The following SLC44A5 variants were observed in gnomAD, a reference collection of about 807,000 sequenced individuals.
The protein encoded by SLC44A5 is choline transporter-like protein 5.
In SLC44A5, 57 loss-of-function variants were observed where a neutral mutation model predicts 101.8. The observed-to-expected ratio is 0.56, with a 90% CI of 0.45 to 0.70. SLC44A5 has a LOEUF of 0.70. SLC44A5 is among the 30% of genes least tolerant of loss of function. The pLI is 0.00. For synonymous variants in SLC44A5, 281 were observed against 290.9 expected (o/e 0.97, Z 0.35); for missense variants, 737 against 853.1 (o/e 0.86, Z 1.70).
chr1:75,703,265 G>A, the SLC44A5 span, among the ~76,000 whole-genome samples: 1 of 152,024 alleles, frequency 6.6e-6, no homozygotes, highest in African/African-American at 2.4e-5. Flanking sequence ...CAACCCAAAT[G>A]TCCAACGATG....
At chr1:75,370,661 AACTC>A (rs1303849020) in intron 3 of SLC44A5, among the ~76,000 whole-genome samples, 1 of 152,174 alleles carries the variant, frequency 6.6e-6, no homozygotes, top group African/African-American at 2.4e-5. Flanking sequence ...ATTCCACAAA[AACTC>A]ACAAGTGTAT....
At chr1:75,618,668 T>C in the SLC44A5 span, among the ~76,000 whole-genome samples, 1 of 152,214 alleles carries the variant, frequency 6.6e-6, no homozygotes, top group Non-Finnish European at 1.5e-5. Flanking sequence ...GTATAATCCA[T>C]TGCTCCTCAG....
In SLC44A5 at chr1:75,211,969, G is replaced by C. The variant is rs368660759; in HGVS notation, c.1963-417C>G. Among the ~76,000 whole-genome samples the C allele has an allele frequency of 6.8e-5, 10 of 146,112 alleles. No homozygotes were observed. In the East Asian group the frequency reaches 1.4e-3, roughly 21 times the overall value. On this transcript the variant is annotated intron_variant, in intron 22 of 23. Transcript: ENST00000370859. The stretch of plus-strand genomic sequence containing the variant: ...TAAAACAGAAGTTTATTTCTCCCTC[G>C]GATAACAGTTTATAAGAGGTGTTCC...
chr1:75,680,303 A>T, the SLC44A5 span, among the ~76,000 whole-genome samples: 1 of 151,822 alleles, frequency 6.6e-6, no homozygotes, highest in Non-Finnish European at 1.5e-5. Flanking sequence ...AATCAACAGA[A>T]TATACATTTT....
the SLC44A5 span, among the ~76,000 whole-genome samples, chr1:75,706,158 A>G: frequency 6.6e-6 from 1 of 152,214 alleles, no homozygotes; most frequent in Non-Finnish European, 1.5e-5. Flanking sequence ...TGTTCAAGGT[A>G]ATAAATTTCC....
intron 3 of SLC44A5, among the ~76,000 whole-genome samples, chr1:75,386,753 G>C (rs4606268): frequency 6.7e-6 from 1 of 149,736 alleles, no homozygotes; most frequent in East Asian, 2.0e-4. Flanking sequence ...CATCGCCAAG[G>C]CAATCCTAAG....
intron 2 of SLC44A5, among the ~76,000 whole-genome samples, chr1:75,520,582 A>C (rs779860142): frequency 3.9e-5 from 6 of 152,104 alleles, no homozygotes; most frequent in South Asian, 2.1e-4. Context: ...AGAGGAGGGG[A>C]AAGGTGGGTA....
chr1:75,673,254 G>T, the SLC44A5 span, among the ~76,000 whole-genome samples: 2 of 151,154 alleles, frequency 1.3e-5, no homozygotes, highest in Non-Finnish European at 1.5e-5. Flanking sequence ...GAGGTCTTGG[G>T]CCTTGAGTGA....
At chr1:75,402,424 T>C in intron 2 of SLC44A5, 1 of 402,742 alleles carries the variant, frequency 2.5e-6, no homozygotes. Flanking sequence ...ACAGCTCTGG[T>C]CTGTGGCTTC....
intron 2 of SLC44A5, among the ~76,000 whole-genome samples, chr1:75,439,495 A>T (rs1176390265): frequency 6.6e-6 from 1 of 152,118 alleles, no homozygotes; most frequent in Non-Finnish European, 1.5e-5. Flanking sequence ...AGGCAGGAGG[A>T]TCACTTGAGC....
At chr1:75,348,976 C>A (rs189150617) in intron 3 of SLC44A5, among the ~76,000 whole-genome samples, 3 of 152,186 alleles carry the variant, frequency 2.0e-5, no homozygotes, top group Admixed American at 6.5e-5. Flanking sequence ...GCTGAAGAGA[C>A]AATTAGCAAA....
intron 4 of SLC44A5, among the ~76,000 whole-genome samples, chr1:75,307,320 C>T (rs1654987335): frequency 6.6e-6 from 1 of 152,166 alleles, no homozygotes; most frequent in Non-Finnish European, 1.5e-5. Context: ...CTCTGTGGTT[C>T]TGTTGGCACC....
intron 2 of SLC44A5, among the ~76,000 whole-genome samples, chr1:75,467,839 C>T (rs1002627855): frequency 6.6e-6 from 1 of 151,970 alleles, no homozygotes; most frequent in Admixed American, 6.6e-5. Context: ...AATGAGATAA[C>T]ATTAAGTTAA....
At chr1:75,480,013 G>A (rs991887902) in intron 2 of SLC44A5, among the ~76,000 whole-genome samples, 3 of 152,232 alleles carry the variant, frequency 2.0e-5, no homozygotes, top group South Asian at 4.1e-4. Context: ...ATAAAATACT[G>A]GCAAACCGAA....
chr1:75,712,170 A>G, the SLC44A5 span, among the ~76,000 whole-genome samples: 1 of 152,370 alleles, frequency 6.6e-6, no homozygotes, highest in East Asian at 1.9e-4. Flanking sequence ...TGTACACTAC[A>G]TGGTAAAGAC....
chr1:75,529,515 A>AT (rs1345954718), intron 2 of SLC44A5, among the ~76,000 whole-genome samples: 2 of 152,176 alleles, frequency 1.3e-5, no homozygotes, highest in Non-Finnish European at 2.9e-5. Context: ...AGTAAATGCC[A>AT]TCTCCCACAA....
chr1:75,503,937 AAG>A (rs769152554), intron 2 of SLC44A5, among the ~76,000 whole-genome samples: 21 of 152,170 alleles, frequency 1.4e-4, no homozygotes, highest in Non-Finnish European at 3.1e-4. Context: ...GATATTTTTA[AAG>A]AGAGATTTTT....
At chr1:75,710,436 T>C in the SLC44A5 span, 40 of 151,346 alleles carry the variant, frequency 2.6e-4, no homozygotes, top group African/African-American at 8.7e-4. Flanking sequence ...TGGTAGCATA[T>C]GCCCATAGTC....
intron 2 of SLC44A5, among the ~76,000 whole-genome samples, chr1:75,492,113 G>A (rs775434440): frequency 6.6e-6 from 1 of 152,146 alleles, no homozygotes; most frequent in Non-Finnish European, 1.5e-5. Flanking sequence ...TCTCTGTGGA[G>A]AGGATTTTGG....
Sources: allele counts gnomAD v4.1 joint callset (sites outside exome capture counted in the v4.1 genomes callset), GRCh38; gene constraint gnomAD v4.1.1; transcripts MANE v1.5; gene names NCBI Gene and HGNC (gene_info 2026-07-23, HGNC 2026-07-21).